Variants in CAMTA1 observed in about 807,000 individuals in gnomAD.
The protein encoded by CAMTA1 is calmodulin binding transcription activator 1, also known as calmodulin-binding transcription activator 1.
In CAMTA1, 27 loss-of-function variants were observed where a neutral mutation model predicts 170.9. The observed-to-expected ratio is 0.16, with a 90% CI of 0.12 to 0.22. CAMTA1 has a LOEUF of 0.22. CAMTA1 is among the 10% of genes least tolerant of loss of function. The probability of loss-of-function intolerance (pLI) is 1.00; values close to 1 mark genes in which losing one functional copy is unlikely to be tolerated. For missense variants in CAMTA1, 1,619 were observed against 2,217.2 expected (o/e 0.73, Z 5.42); for synonymous variants, 833 against 891.5 (o/e 0.93, Z 1.17).
chr1:6,992,886 A>C (rs969863277), intron 3 of CAMTA1, among the ~76,000 whole-genome samples: 1 of 152,362 alleles, frequency 6.6e-6, no homozygotes, highest in Admixed American at 6.5e-5. Context: ...CCATGTCACC[A>C]TCTCAGATTA....
intron 5 of CAMTA1, among the ~76,000 whole-genome samples, chr1:7,379,266 T>C (rs1030111353): frequency 1.3e-5 from 2 of 152,256 alleles, no homozygotes; most frequent in Non-Finnish European, 2.9e-5. Flanking sequence ...AACTTAGCTT[T>C]CAAAAATAGT....
chr1:7,139,732 G>A (rs940290554), intron 4 of CAMTA1, among the ~76,000 whole-genome samples: 9 of 152,140 alleles, frequency 5.9e-5, no homozygotes, highest in Admixed American at 6.5e-5. Flanking sequence ...TGGGCTCAGC[G>A]GATGGTTGTT....
chr1:6,831,896 AAAAAC>A (rs1246583410), intron 3 of CAMTA1, among the ~76,000 whole-genome samples: 1 of 149,620 alleles, frequency 6.7e-6, no homozygotes, highest in Non-Finnish European at 1.5e-5. Flanking sequence ...CTGCAGGAGA[AAAAAC>A]AAAACAAAAC....
At chr1:7,319,956 C>T (rs1678126590) in intron 5 of CAMTA1, among the ~76,000 whole-genome samples, 1 of 152,074 alleles carries the variant, frequency 6.6e-6, no homozygotes, top group South Asian at 2.1e-4. Flanking sequence ...GGCCTTGTAC[C>T]CAGCATCCTT....
At chr1:7,624,426 C>G (rs546282259) in intron 6 of CAMTA1, among the ~76,000 whole-genome samples, 6 of 152,338 alleles carry the variant, frequency 3.9e-5, no homozygotes, top group African/African-American at 1.4e-4. Context: ...TGGTATACCA[C>G]TGCTCCCACA....
chr1:7,380,661 C>G (rs1361052714), intron 5 of CAMTA1, among the ~76,000 whole-genome samples: 1 of 152,232 alleles, frequency 6.6e-6, no homozygotes, highest in Non-Finnish European at 1.5e-5. Flanking sequence ...CTAGTTCCAT[C>G]AGGTCTTAGT....
intron 4 of CAMTA1, among the ~76,000 whole-genome samples, chr1:7,208,744 T>C (rs1658215522): frequency 6.6e-6 from 1 of 152,192 alleles, no homozygotes; most frequent in Admixed American, 6.5e-5. Context: ...AAAGGTGTCA[T>C]ACCTGGGGAG....
rs189847723 is a variant in CAMTA1, at chr1:6,854,722, C to T, written c.234+29512C>T. 1.8e-3 allele frequency among the ~76,000 whole-genome samples: 280 copies of T among 152,198 alleles called. 1 individual carries two copies. Among genetic ancestry groups the T allele is most frequent in the African/African-American group, 6.3e-3 (262 of 41,538 alleles). On this transcript the variant is annotated intron_variant, in intron 3 of 22. Transcript: ENST00000303635. ...CAGGTTTAATATTTGAAAAATTGAT[C>T]AGTATAAATCACTAAATTAATAGAG... is the stretch of plus-strand genomic sequence containing the variant.
chr1:6,819,304 C>CT (rs58915216), intron 1 of CAMTA1, among the ~76,000 whole-genome samples: 51,275 of 150,924 alleles, frequency 0.34, 8,738 homozygotes, highest in Admixed American at 0.41. Flanking sequence ...AAAAAATTTT[C>CT]TTTTTTTTTA....
intron 6 of CAMTA1, among the ~76,000 whole-genome samples, chr1:7,558,133 C>A (rs2094904999): frequency 6.6e-6 from 1 of 152,318 alleles, no homozygotes; most frequent in Admixed American, 6.5e-5. Flanking sequence ...AGGCCCCTCG[C>A]TCCGGCAGCC....
intron 5 of CAMTA1, among the ~76,000 whole-genome samples, chr1:7,326,660 G>T (rs538375459): frequency 2.0e-5 from 3 of 152,194 alleles, no homozygotes; most frequent in Non-Finnish European, 4.4e-5. Context: ...CCTGAAACGA[G>T]ATAAGAAAAG....
At chr1:7,542,112 A>G (rs1351462300) in intron 6 of CAMTA1, among the ~76,000 whole-genome samples, 1 of 152,192 alleles carries the variant, frequency 6.6e-6, no homozygotes, top group Admixed American at 6.5e-5. Flanking sequence ...TACAATTTTA[A>G]AATATTTTTC....
rs1172193332 is a variant in CAMTA1, at chr1:7,010,302, G to A, written c.235-81002G>A. On this transcript the variant is annotated intron_variant, in intron 3 of 22. Coordinates refer to ENST00000303635, the MANE Select transcript of CAMTA1 (RefSeq NM_015215.4). This position sits in a 1 kb window ranked among gnomAD's most constrained non-coding sequence, Gnocchi z 4.4. ...CGGCTCCTGGGCCGCCCCCTCACTC[G>A]GCGTCCAGTGCTCAGGCCTCTGGGC... is the stretch of plus-strand genomic sequence containing the variant. Among the ~76,000 whole-genome samples the A allele has an allele frequency of 6.6e-6, 1 of 152,098 alleles. No homozygotes were observed. Among genetic ancestry groups the A allele is most frequent in the Non-Finnish European group, 1.5e-5 (1 of 68,020 alleles).
chr1:7,716,269 G>C (rs1421361925), intron 11 of CAMTA1, among the ~76,000 whole-genome samples: 3 of 152,118 alleles, frequency 2.0e-5, no homozygotes, highest in Non-Finnish European at 4.4e-5. Context: ...CTGAGTTCAA[G>C]TGATCCTCCT....
chr1:7,630,463 C>T (rs996342450), intron 6 of CAMTA1, among the ~76,000 whole-genome samples: 5 of 152,216 alleles, frequency 3.3e-5, no homozygotes, highest in Admixed American at 6.5e-5. Flanking sequence ...GCATGGTTCC[C>T]GGAACCCCGC....
intron 3 of CAMTA1, among the ~76,000 whole-genome samples, 176 bp from the exon 4 acceptor site, chr1:7,091,128 A>G (rs191053593): frequency 6.6e-6 from 1 of 152,104 alleles, no homozygotes; most frequent in East Asian, 1.9e-4. Flanking sequence ...GGTTGAATGG[A>G]AAGGCCTTAA....
rs1214308976 is a variant in CAMTA1 at position 7,014,273 on chromosome 1, G to A, written c.235-77031G>A. On this transcript the variant is annotated intron_variant, in intron 3 of 22. Transcript: ENST00000303635. This position sits in a 1 kb window ranked among gnomAD's most constrained non-coding sequence, Gnocchi z 4.2. ...TACCTGCTCGATGTCTGCACATAGG[G>A]AAACCTGAGTTGAAGCCGAGCCTTG... 6.6e-6 allele frequency: 1 copy of A among 152,294 alleles called. No homozygotes were observed. Among genetic ancestry groups the A allele is most frequent in the Non-Finnish European group, 1.5e-5 (1 of 68,100 alleles). The allele number at this position is 152,294 out of a possible 1,614,324, so 9.4% of individuals were successfully genotyped here.
rs895536738 is a variant in CAMTA1, at chr1:7,463,994, A to G, written c.439-3836A>G. ...CTTTTTTATAAAAATAAATAAATAA[A>G]TAAGCCCTATAGTGTCATAAAAGCA... On this transcript the variant is annotated intron_variant, in intron 5 of 22. Transcript: ENST00000303635. This position sits in a 1 kb window ranked among gnomAD's most constrained non-coding sequence, Gnocchi z 4.7. Among the ~76,000 whole-genome samples the G allele has an allele frequency of 6.6e-6, 1 of 152,226 alleles. No individual in the cohort carries two copies. Among genetic ancestry groups the G allele is most frequent in the Non-Finnish European group, 1.5e-5 (1 of 68,038 alleles).
At position 7,609,301 on chromosome 1, in the gene CAMTA1, G is replaced by A. The variant is rs901927965; in HGVS notation, c.511-31099G>A. The stretch of plus-strand genomic sequence containing the variant: ...TGCCCGGCTGCTGGGTCACCCCATC[G>A]GCTGTTCTGTCATCAGACATCATGT... On this transcript the variant is annotated intron_variant, in intron 6 of 22. Coordinates refer to ENST00000303635, the MANE Select transcript of CAMTA1 (RefSeq NM_015215.4). This position sits in a 1 kb window ranked among gnomAD's most constrained non-coding sequence, Gnocchi z 4.4. Among the ~76,000 whole-genome samples the A allele has an allele frequency of 6.6e-6, 1 of 152,216 alleles. No individual in the cohort carries two copies. Among genetic ancestry groups the A allele is most frequent in the African/African-American group, 2.4e-5 (1 of 41,544 alleles).
Sources: gnomAD v4.1 joint callset for allele counts (sites outside exome capture counted in the v4.1 genomes callset) on GRCh38, gnomAD v4.1.1 for gene constraint, Gnocchi (gnomAD v3.1) non-coding constraint, MANE v1.5 for transcripts, NCBI Gene and HGNC (gene_info 2026-07-23, HGNC 2026-07-21) for gene names.